The following HMCN1 variants were observed in gnomAD, a reference collection of about 807,000 sequenced individuals.
HMCN1 encodes the protein hemicentin 1.
A neutral mutation model predicts 625.9 loss-of-function variants in HMCN1; 321 were observed. That is an observed-to-expected ratio of 0.51 (90% CI 0.47 to 0.56). The LOEUF is 0.56. Among genes scored for constraint, HMCN1 ranks in the 20% least tolerant of loss-of-function variants. HMCN1 has a pLI of 0.00. For missense variants in HMCN1, 6,588 were observed against 6,887.3 expected (o/e 0.96, Z 1.54); for synonymous variants, 2,425 against 2,417.6 (o/e 1.00, Z -0.09).
At chr1:186,108,309 A>G in intron 70 of HMCN1, 152 bp from the exon 71 acceptor site, 3 of 1,245,860 alleles carry the variant, frequency 2.4e-6, no homozygotes, top group Non-Finnish European at 2.2e-6. Context: ...TAAAAAAAAA[A>G]CACTTCCCAC....
In HMCN1 at chr1:186,136,915, C is replaced by A; in HGVS notation, c.13560C>A (p.Val4520=). ...GAAACTTAATGGGTTCTGTCCTTGTCAGAGTGCCAGTCATAGTCCAGGGTG... is the reference window on the plus strand; with the variant it reads ...GAAACTTAATGGGTTCTGTCCTTGTAAGAGTGCCAGTCATAGTCCAGGGTG... ...VARNLMGSVL[V]RVPVIVQVHG... The change falls in exon 87 of 107, where the codon GTC becomes GTA. Residue 4520 remains valine (V), a synonymous_variant. Transcript: ENST00000271588. The A allele has an allele frequency of 1.2e-6, 2 of 1,613,832 alleles. No individual in the cohort carries two copies. Among genetic ancestry groups the A allele is most frequent in the South Asian group, 2.2e-5 (2 of 91,074 alleles).
chr1:186,104,156 TAAAAG>T lies in HMCN1; in HGVS notation c.10770+490_10770+494del, dbSNP rs1419869946. Among the ~76,000 whole-genome samples the T allele has an allele frequency of 2.6e-5, 4 of 152,176 alleles. No homozygotes were observed. In the East Asian group the frequency reaches 5.8e-4, roughly 22 times the overall value. On this transcript the variant is annotated intron_variant, in intron 69 of 106. Transcript: ENST00000271588. ...AAACTGATCTGAAATGTGAATATAT[TAAAAG>T]AGAAGTATGTCTGGGATGTCTTATT...
intron 50 of HMCN1, among the ~76,000 whole-genome samples, chr1:186,069,149 G>A (rs1658326340): frequency 6.6e-6 from 1 of 152,114 alleles, no homozygotes; most frequent in Admixed American, 6.6e-5. Flanking sequence ...TGTTGGCAGA[G>A]GGGCAGGAAA....
At chr1:185,937,648 G>A (rs758745647) in intron 11 of HMCN1, among the ~76,000 whole-genome samples, 17 of 152,016 alleles carry the variant, frequency 1.1e-4, no homozygotes, top group South Asian at 2.1e-4. Context: ...TTGGGAGGCC[G>A]AGATGGGCAG....
chr1:186,150,142 C>T (rs898906356), intron 93 of HMCN1, among the ~76,000 whole-genome samples: 17 of 147,396 alleles, frequency 1.2e-4, no homozygotes, highest in South Asian at 2.2e-4. Context: ...GTAAAAAAAA[C>T]GCAGTGTCTG....
chr1:185,843,317 G>C (rs181273300), intron 1 of HMCN1, among the ~76,000 whole-genome samples: 1 of 152,102 alleles, frequency 6.6e-6, no homozygotes, highest in Admixed American at 6.5e-5. Context: ...TGACAGGTAC[G>C]TCGGCAGGAG....
intron 32 of HMCN1, 103 bp downstream of exon 32, chr1:186,016,342 A>G: frequency 2.7e-6 from 3 of 1,128,508 alleles, no homozygotes; most frequent in Non-Finnish European, 2.6e-6. Flanking sequence ...ATCTAAAAGA[A>G]GGTATAGTCC....
At chr1:186,101,258 G>C (rs1251887626) in intron 68 of HMCN1, among the ~76,000 whole-genome samples, 4 of 152,138 alleles carry the variant, frequency 2.6e-5, no homozygotes, top group African/African-American at 7.2e-5. Context: ...TACAGTGGAA[G>C]TATTAGGACT....
Position 186,057,258 on chromosome 1 carries a change from A to G in HMCN1, c.7169A>G (p.His2390Arg). ...VHAPPSIIGN[H>R]RSPENISVVE... is the part of the protein sequence containing the mutation. ...GCTCCTCCAAGCATCATAGGAAACC[A>G]CAGGTCACCTGAAAATATTAGTGTG... is the stretch of plus-strand genomic sequence containing the variant. The change falls in exon 46 of 107, where the codon CAC becomes CGC. Residue 2390 changes from histidine (H) to arginine (R), a missense_variant. His to Arg is a conservative substitution (Grantham distance 29). Transcript: ENST00000271588. 6.2e-7 allele frequency: 1 copy of G among 1,611,786 alleles called. No individual in the cohort carries two copies. The highest frequency in any genetic ancestry group is 8.5e-7 in the Non-Finnish European group (1 of 1,178,376).
chr1:185,983,939 C>T (rs1651833497), intron 18 of HMCN1, among the ~76,000 whole-genome samples: 1 of 152,132 alleles, frequency 6.6e-6, no homozygotes, highest in Non-Finnish European at 1.5e-5. Context: ...TTGTGCTTAA[C>T]TCTCTGATAA....
chr1:186,032,717 C>T (rs887613699), intron 36 of HMCN1, among the ~76,000 whole-genome samples: 3 of 149,012 alleles, frequency 2.0e-5, no homozygotes, highest in Middle Eastern at 3.5e-3. Flanking sequence ...AGCATGAGAA[C>T]GAACTAACAC....
intron 1 of HMCN1, among the ~76,000 whole-genome samples, chr1:185,835,365 G>A (rs779010876): frequency 4.9e-4 from 75 of 151,972 alleles, no homozygotes; most frequent in Non-Finnish European, 7.1e-4. Flanking sequence ...ATGTGCCACA[G>A]CTCATTGGTA....
chr1:186,019,608 G>T lies in HMCN1; in HGVS notation c.5538G>T (p.Leu1846Phe). The change falls in exon 35 of 107, where the codon TTG (leucine) becomes TTT (phenylalanine). Residue 1846 changes from leucine (L) to phenylalanine (F), a missense_variant. Coordinates refer to ENST00000271588, the MANE Select transcript of HMCN1 (RefSeq NM_031935.3). Reference sequence around the variant, plus strand: ...TGGTAAAATACAAGCCTGTCGCCTTGCAGTGCATAGCCAATGGGATTCCAA... The same window carrying T: ...TGGTAAAATACAAGCCTGTCGCCTTTCAGTGCATAGCCAATGGGATTCCAA... ...RVVVKYKPVA[L>F]QCIANGIPNP... 1 of 1,609,996 alleles carries T rather than the reference G, an allele frequency of 6.2e-7. No individual in the cohort carries two copies. The highest frequency in any genetic ancestry group is 1.3e-5 in the African/African-American group (1 of 74,828).
In HMCN1 at chr1:185,734,794, A is replaced by G. The variant is rs1653442051; in HGVS notation, c.15A>G (p.Glu5=). The change falls in exon 1 of 107, where the codon GAA becomes GAG. Residue 5 remains glutamate, a synonymous_variant. Transcript: ENST00000271588. ...AAAAAAAGAAAATGATTTCCTGGGA[A>G]GTTGTCCATACAGTATTCCTGTTTG... MISW[E]VVHTVFLFAL... 6.2e-7 allele frequency: 1 copy of G among 1,614,112 alleles called. No individual in the cohort carries two copies. Among genetic ancestry groups the G allele is most frequent in the Non-Finnish European group, 8.5e-7 (1 of 1,179,990 alleles).
chr1:186,022,447 G>A (rs1654784397), intron 35 of HMCN1, among the ~76,000 whole-genome samples: 1 of 152,214 alleles, frequency 6.6e-6, no homozygotes. Flanking sequence ...ACCTAGGCTG[G>A]TGGGTATTGT....
At chr1:185,795,790 A>G (rs536544198) in intron 1 of HMCN1, among the ~76,000 whole-genome samples, 2 of 152,342 alleles carry the variant, frequency 1.3e-5, no homozygotes, top group African/African-American at 4.8e-5. Context: ...AAAATATACT[A>G]AGTAATTTCA....
intron 2 of HMCN1, among the ~76,000 whole-genome samples, chr1:185,859,871 A>G (rs1358872645): frequency 6.6e-6 from 1 of 151,862 alleles, no homozygotes; most frequent in Non-Finnish European, 1.5e-5. Context: ...ACAGGGCACC[A>G]TGTTGCCCAG....
intron 28 of HMCN1, among the ~76,000 whole-genome samples, chr1:186,002,531 A>G (rs971786908): frequency 1.3e-5 from 2 of 152,074 alleles, no homozygotes; most frequent in African/African-American, 4.8e-5. Context: ...CACCATTATT[A>G]TATTTAAGTA....
chr1:186,118,023 A>G (rs1225549166), intron 77 of HMCN1, among the ~76,000 whole-genome samples: 1 of 152,130 alleles, frequency 6.6e-6, no homozygotes, highest in Non-Finnish European at 1.5e-5. Context: ...ATACTCTACT[A>G]AGATTCTGAG....
Sources: gnomAD v4.1 joint callset for allele counts (sites outside exome capture counted in the v4.1 genomes callset) on GRCh38, gnomAD v4.1.1 for gene constraint, MANE v1.5 for transcripts, NCBI Gene and HGNC (gene_info 2026-07-23, HGNC 2026-07-21) for gene names.